The following FAR2 variants were observed in gnomAD, a reference collection of about 807,000 sequenced individuals.
FAR2 encodes epididymis secretory protein Li 81.
Under a neutral mutation model 56.0 loss-of-function variants are expected in FAR2, and 19 were observed. The ratio of observed to expected loss-of-function variants is 0.34; its 90% CI spans 0.24 to 0.50. The LOEUF is 0.50. Among genes scored for constraint, FAR2 ranks in the 20% least tolerant of loss-of-function variants. The probability of loss-of-function intolerance (pLI) is 0.98; values close to 1 mark genes in which losing one functional copy is unlikely to be tolerated. For synonymous variants in FAR2, 219 were observed against 218.8 expected, an observed-to-expected ratio of 1.00 and a Z score of -0.01; for missense variants, 508 against 642.2, an observed-to-expected ratio of 0.79 and a Z score of 2.26.
intron 2 of FAR2, among the ~76,000 whole-genome samples, chr12:29,271,442 A>G (rs558593953): frequency 1.3e-5 from 2 of 152,348 alleles, no homozygotes; most frequent in Middle Eastern, 6.8e-3. Flanking sequence ...ACTAAATGAG[A>G]AAATGTACAT....
At chr12:29,217,455 G>A (rs1024746639) in intron 1 of FAR2, among the ~76,000 whole-genome samples, 1 of 152,194 alleles carries the variant, frequency 6.6e-6, no homozygotes, top group African/African-American at 2.4e-5. Context: ...AGCAGTACAG[G>A]AAGCTGGAGG....
At chr12:29,329,542 C>T (rs1329386469) in intron 10 of FAR2, among the ~76,000 whole-genome samples, 1 of 152,086 alleles carries the variant, frequency 6.6e-6, no homozygotes, top group East Asian at 1.9e-4. Context: ...TGAACAGGGC[C>T]ACTTTGAAAT....
chr12:29,273,676 C>T (rs1003648182), intron 2 of FAR2, among the ~76,000 whole-genome samples: 4 of 152,230 alleles, frequency 2.6e-5, no homozygotes, highest in Admixed American at 6.5e-5. Context: ...CAGGGCTCGT[C>T]GCCCCTCTGC....
At chr12:29,183,070 G>T (rs758368046) in intron 1 of FAR2, among the ~76,000 whole-genome samples, 16 of 151,014 alleles carry the variant, frequency 1.1e-4, no homozygotes, top group Non-Finnish European at 2.1e-4. Context: ...CATCCCTAAG[G>T]CCAATTGCAT....
chr12:29,315,125 GGCT>G (rs1949424506), intron 8 of FAR2, among the ~76,000 whole-genome samples: 1 of 152,296 alleles, frequency 6.6e-6, no homozygotes, highest in Non-Finnish European at 1.5e-5. Context: ...GATGTGGGAA[GGCT>G]GCTATTTTAT....
chr12:29,152,873 G>T (rs905376498), intron 1 of FAR2, among the ~76,000 whole-genome samples: 1 of 152,226 alleles, frequency 6.6e-6, no homozygotes, highest in African/African-American at 2.4e-5. Context: ...GGCCCTTAGA[G>T]ATAGCCCTTA....
intron 1 of FAR2, among the ~76,000 whole-genome samples, chr12:29,215,857 A>G (rs996203724): frequency 1.3e-5 from 2 of 152,038 alleles, no homozygotes; most frequent in Admixed American, 1.3e-4. Flanking sequence ...TATAAGAACG[A>G]TTTCCCTTAC....
At chr12:29,192,543 A>G (rs1378513162) in intron 1 of FAR2, among the ~76,000 whole-genome samples, 1 of 152,212 alleles carries the variant, frequency 6.6e-6, no homozygotes, top group Admixed American at 6.5e-5. Context: ...GTGGTTACCT[A>G]CTGGTGAAAT....
chr12:29,188,445 AGGGATAATTTGATAATTTG>A (rs146567355), intron 1 of FAR2, among the ~76,000 whole-genome samples: 5,791 of 152,080 alleles, frequency 0.038, 325 homozygotes, highest in African/African-American at 0.12. Flanking sequence ...AGATGAACTT[AGGGATAATTTGATAATTTG>A]GGGATAATTT....
chr12:29,168,511 A>G (rs896795821), intron 1 of FAR2, among the ~76,000 whole-genome samples: 2 of 152,210 alleles, frequency 1.3e-5, no homozygotes, highest in African/African-American at 4.8e-5. Context: ...ATCATAATTT[A>G]GTATTCATCT....
chr12:29,326,128 A>G (rs1591973473), intron 10 of FAR2, among the ~76,000 whole-genome samples: 1 of 152,152 alleles, frequency 6.6e-6, no homozygotes, highest in East Asian at 1.9e-4. Flanking sequence ...AAACACCTCT[A>G]TGCAAATAAA....
intron 1 of FAR2, among the ~76,000 whole-genome samples, chr12:29,204,014 A>AAG (rs1374656061): frequency 6.7e-6 from 1 of 149,826 alleles, no homozygotes; most frequent in Non-Finnish European, 1.5e-5. Flanking sequence ...AAAAAAAAAA[A>AAG]AAAAAAAAAG....
At chr12:29,281,552 T>G (rs780074072) in intron 2 of FAR2, 1 of 152,126 alleles carries the variant, frequency 6.6e-6, no homozygotes, top group Non-Finnish European at 1.5e-5. Flanking sequence ...TCTGCAAGAG[T>G]AAAGACGGAA....
At chr12:29,288,539 AT>A (rs1255959579) in intron 2 of FAR2, among the ~76,000 whole-genome samples, 2 of 152,012 alleles carry the variant, frequency 1.3e-5, no homozygotes, top group South Asian at 2.1e-4. Context: ...CAAAAAGAAA[AT>A]TTTTTTTAGA....
intron 2 of FAR2, among the ~76,000 whole-genome samples, chr12:29,270,876 A>G (rs1324478725): frequency 6.6e-6 from 1 of 152,220 alleles, no homozygotes; most frequent in Non-Finnish European, 1.5e-5. Context: ...TCTGGAAACT[A>G]CTAATTATCA....
chr12:29,240,091 C>A (rs1044984107), intron 1 of FAR2, among the ~76,000 whole-genome samples: 3 of 152,330 alleles, frequency 2.0e-5, no homozygotes, highest in Middle Eastern at 3.4e-3. Flanking sequence ...ATCAAAAAGA[C>A]AAATGTTTAT....
In FAR2 at chr12:29,311,682, A is replaced by ACACT. The variant is rs1479066611; in HGVS notation, c.888-198_888-197insTCAC. ...ACATCTCTTTCACACACACACACAC[A>ACACT]CACACACACACATGCTTTTCCTAGT... On this transcript the variant is annotated intron_variant, in intron 7 of 11. Transcript: ENST00000536681. 1.6e-4 allele frequency among the ~76,000 whole-genome samples: 25 copies of ACACT among 151,764 alleles called. No homozygotes were observed. In the East Asian group the frequency reaches 3.5e-3, roughly 21 times the overall value.
chr12:29,272,816 T>C (rs964589777), intron 2 of FAR2, among the ~76,000 whole-genome samples: 8 of 152,172 alleles, frequency 5.3e-5, no homozygotes, highest in Non-Finnish European at 1.0e-4. Flanking sequence ...GATAGGGTTT[T>C]TGTGTGGGCC....
At chr12:29,161,512 A>G (rs1415788850) in intron 1 of FAR2, among the ~76,000 whole-genome samples, 3 of 152,222 alleles carry the variant, frequency 2.0e-5, no homozygotes, top group African/African-American at 7.2e-5. Flanking sequence ...GTAATACTCC[A>G]TACTGTGAAT....
Sources: allele counts gnomAD v4.1 joint callset (sites outside exome capture counted in the v4.1 genomes callset), GRCh38; gene constraint gnomAD v4.1.1; transcripts MANE v1.5; gene names NCBI Gene and HGNC (gene_info 2026-07-23, HGNC 2026-07-21).